The following PIAS1 variants were observed in gnomAD, a reference collection of about 807,000 sequenced individuals.
PIAS1 encodes the protein E3 SUMO-protein ligase PIAS1.
In PIAS1, 6 loss-of-function variants were observed where a neutral mutation model predicts 71.3. The ratio of observed to expected loss-of-function variants is 0.08; its 90% CI spans 0.05 to 0.17. PIAS1 has a LOEUF of 0.17. PIAS1 is among the 10% of genes least tolerant of loss of function. PIAS1 has a pLI of 1.00. For synonymous variants in PIAS1, 303 were observed against 292.9 expected, an observed-to-expected ratio of 1.03 and a Z score of -0.35; for missense variants, 555 against 793.6, an observed-to-expected ratio of 0.70 and a Z score of 3.61.
chr15:68,150,554 T>G (rs139294289), intron 6 of PIAS1, among the ~76,000 whole-genome samples: 2 of 152,346 alleles, frequency 1.3e-5, no homozygotes, highest in African/African-American at 4.8e-5. Context: ...TGAGAAATGT[T>G]GCAACTGTGT....
rs118057070 is a variant in PIAS1, at chr15:68,124,960, A to G, written c.470-16986A>G. 7.7e-3 allele frequency among the ~76,000 whole-genome samples: 1,168 copies of G among 152,318 alleles called. 7 individuals carry two copies. Among genetic ancestry groups the G allele is most frequent in the East Asian group, 0.035 (183 of 5,186 alleles). On this transcript the variant is annotated intron_variant, in intron 2 of 13. Transcript: ENST00000249636. ...TATTGATTTCCCACCATGGGAGATA[A>G]GATTTGGCTTATTTGCCACTCCTAC...
intron 2 of PIAS1, among the ~76,000 whole-genome samples, chr15:68,090,207 T>TA (rs2092321835): frequency 6.6e-6 from 1 of 151,432 alleles, no homozygotes; most frequent in African/African-American, 2.4e-5. Flanking sequence ...TAATAATAAT[T>TA]ATTATTATTT....
At chr15:68,093,608 G>A (rs2092350729) in intron 2 of PIAS1, among the ~76,000 whole-genome samples, 1 of 152,112 alleles carries the variant, frequency 6.6e-6, no homozygotes, top group Non-Finnish European at 1.5e-5. Context: ...ATTTTGTGGG[G>A]GAACAACATG....
At position 68,176,581 on chromosome 15, in the gene PIAS1, G is replaced by C. The variant is rs762951056; in HGVS notation, c.1408G>C (p.Glu470Gln). The change falls in exon 11 of 14, where the codon GAA becomes CAA. Residue 470 changes from glutamate to glutamine, a missense_variant. Physicochemically the swap from Glu to Gln is conservative, Grantham distance 29. Coordinates refer to ENST00000249636, the MANE Select transcript of PIAS1 (RefSeq NM_016166.3). ...IDLTIDSSSD[E>Q]EEEEPSAKRT... ...CCTAACCATAGACAGTTCATCTGAT[G>C]AAGAGGAAGAAGAGCCATCTGCCAA... 3 of 1,613,042 alleles carry C rather than the reference G, an allele frequency of 1.9e-6. No individual in the cohort carries two copies. The South Asian group carries it at 3.3e-5, about 18-fold the overall frequency.
At chr15:68,182,309 A>C (rs1408721680) in intron 12 of PIAS1, among the ~76,000 whole-genome samples, 4 of 152,244 alleles carry the variant, frequency 2.6e-5, no homozygotes, top group African/African-American at 7.2e-5. Flanking sequence ...ATAATCTAAG[A>C]ACTTTTTTTT....
Position 68,187,944 on chromosome 15 carries a change from C to A in PIAS1, c.*109C>A. ...TACTCTGTTTAGAAAAGTATACAAGCGTGTTTTTTTTCCTTTTTTTAGGGA... is the reference window on the plus strand; with the variant it reads ...TACTCTGTTTAGAAAAGTATACAAGAGTGTTTTTTTTCCTTTTTTTAGGGA... On this transcript the variant is annotated 3_prime_UTR_variant, in exon 14 of 14. Coordinates refer to ENST00000249636, the MANE Select transcript of PIAS1 (RefSeq NM_016166.3). This position sits in a 1 kb window ranked among gnomAD's most constrained non-coding sequence, Gnocchi z 5.3. The A allele has an allele frequency of 2.0e-6, 2 of 1,018,974 alleles. No homozygotes were observed. Among genetic ancestry groups the A allele is most frequent in the Non-Finnish European group, 2.8e-6 (2 of 714,904 alleles). 63.1% of individuals were successfully genotyped at this position (1,018,974 alleles called of 1,614,324 possible). A position where few individuals can be genotyped will look rare whatever the true frequency, so the allele number is the denominator to read the frequency against.
chr15:68,079,576 C>T (rs532455190), intron 1 of PIAS1, among the ~76,000 whole-genome samples: 4 of 152,274 alleles, frequency 2.6e-5, no homozygotes, highest in Admixed American at 2.6e-4. Flanking sequence ...AAGGGATCCT[C>T]CTGCTTCAGT....
At position 68,167,724 on chromosome 15, in the gene PIAS1, G is replaced by A. The variant is rs182400434; in HGVS notation, c.1008+2920G>A. 8.7e-4 allele frequency among the ~76,000 whole-genome samples: 133 copies of A among 152,184 alleles called. 1 individual carries two copies. Among genetic ancestry groups the A allele is most frequent in the African/African-American group, 2.8e-3 (115 of 41,508 alleles). On this transcript the variant is annotated intron_variant, in intron 8 of 13. Transcript: ENST00000249636. The surrounding 1 kb of genome is among the most constrained non-coding windows in gnomAD (Gnocchi z 4.4). ...ATTCTTTTTGTTTTGTTTTGTTTTT[G>A]AGACAGAGTTTTGCTCTGTCACCCA...
chr15:68,171,562 C>G lies in PIAS1; in HGVS notation c.1009-2170C>G, dbSNP rs982060258. Among the ~76,000 whole-genome samples, 9 of 152,144 alleles carry G rather than the reference C, an allele frequency of 5.9e-5. No individual in the cohort carries two copies. Among genetic ancestry groups the G allele is most frequent in the African/African-American group, 2.2e-4 (9 of 41,426 alleles). On this transcript the variant is annotated intron_variant, in intron 8 of 13. Transcript: ENST00000249636. The surrounding 1 kb of genome is among the most constrained non-coding windows in gnomAD (Gnocchi z 4.4). ...TTACCAGTTTTTACTCTAGGTCCCT[C>G]CAGGTTATACTTCTGATACTGTAAA...
chr15:68,115,709 A>G (rs988737907), intron 2 of PIAS1, among the ~76,000 whole-genome samples: 4 of 152,008 alleles, frequency 2.6e-5, no homozygotes, highest in African/African-American at 9.7e-5. Flanking sequence ...GAAGATGTTT[A>G]CTTCTATTCC....
chr15:68,130,543 A>G (rs926187565), intron 2 of PIAS1, among the ~76,000 whole-genome samples: 4 of 151,912 alleles, frequency 2.6e-5, no homozygotes, highest in African/African-American at 9.7e-5. Context: ...GGTTTGATAC[A>G]TTTGCTGGTA....
At chr15:68,145,608 G>C (rs772282861) in intron 4 of PIAS1, among the ~76,000 whole-genome samples, 6 of 152,120 alleles carry the variant, frequency 3.9e-5, no homozygotes, top group Non-Finnish European at 7.4e-5. Flanking sequence ...CAGGGTGATA[G>C]TCATGATTAC....
chr15:68,162,943 C>G (rs1013910364), intron 7 of PIAS1, among the ~76,000 whole-genome samples: 2 of 152,146 alleles, frequency 1.3e-5, no homozygotes, highest in East Asian at 3.8e-4. Context: ...TTTGTTCTTT[C>G]CATGCCCTCC....
chr15:68,147,829 A>G (rs1199327969), intron 6 of PIAS1, among the ~76,000 whole-genome samples: 4 of 152,142 alleles, frequency 2.6e-5, no homozygotes. Flanking sequence ...TGAAGCCACC[A>G]TTGTTATATA....
chr15:68,090,837 G>A (rs1450155824), intron 2 of PIAS1, among the ~76,000 whole-genome samples: 5 of 151,874 alleles, frequency 3.3e-5, no homozygotes, highest in African/African-American at 7.3e-5. Context: ...TATGTTTAAT[G>A]TAGAATCCAT....
At chr15:68,071,075 G>C (rs1488711932) in intron 1 of PIAS1, among the ~76,000 whole-genome samples, 1 of 152,084 alleles carries the variant, frequency 6.6e-6, no homozygotes, top group African/African-American at 2.4e-5. Flanking sequence ...CAATTGTAGG[G>C]GTTTGTAGAA....
chr15:68,104,270 C>T (rs2092451825), intron 2 of PIAS1, among the ~76,000 whole-genome samples: 1 of 152,078 alleles, frequency 6.6e-6, no homozygotes, highest in Admixed American at 6.5e-5. Context: ...CTTTGTTCTG[C>T]CATCTTAATT....
At chr15:68,124,083 ATC>A (rs1487275619) in intron 2 of PIAS1, among the ~76,000 whole-genome samples, 1 of 152,168 alleles carries the variant, frequency 6.6e-6, no homozygotes, top group Non-Finnish European at 1.5e-5. Flanking sequence ...TAATACCTTT[ATC>A]TCTCTGTGTC....
chr15:68,116,864 A>G (rs547314591), intron 2 of PIAS1, among the ~76,000 whole-genome samples: 21 of 152,108 alleles, frequency 1.4e-4, no homozygotes, highest in Non-Finnish European at 2.4e-4. Context: ...TAGTTCCCAA[A>G]TATTTGGGCA....
Sources: gnomAD v4.1 joint callset for allele counts (sites outside exome capture counted in the v4.1 genomes callset) on GRCh38, gnomAD v4.1.1 for gene constraint, Gnocchi (gnomAD v3.1) non-coding constraint, MANE v1.5 for transcripts, NCBI Gene and HGNC (gene_info 2026-07-23, HGNC 2026-07-21) for gene names.